The following RB1CC1 variants were observed in gnomAD, a reference collection of about 807,000 sequenced individuals.
The protein encoded by RB1CC1 is RB1 inducible coiled-coil 1.
In RB1CC1, 46 loss-of-function variants were observed where a neutral mutation model predicts 177.5. The ratio of observed to expected loss-of-function variants is 0.26; its 90% CI spans 0.20 to 0.33. RB1CC1 has a LOEUF of 0.33. Among genes scored for constraint, RB1CC1 ranks in the 10% least tolerant of loss-of-function variants. The pLI, the probability that RB1CC1 is intolerant of heterozygous loss-of-function variation, is 1.00. For synonymous variants in RB1CC1, 666 were observed against 613.6 expected, an observed-to-expected ratio of 1.09 and a Z score of -1.26; for missense variants, 1,703 against 1,816.3, an observed-to-expected ratio of 0.94 and a Z score of 1.13.
chr8:52,670,990 A>C (rs922952639), intron 7 of RB1CC1, among the ~76,000 whole-genome samples: 2 of 152,098 alleles, frequency 1.3e-5, no homozygotes, highest in Non-Finnish European at 2.9e-5. Flanking sequence ...GCAAGAATAC[A>C]CTAAAATCTA....
intron 15 of RB1CC1, 136 bp downstream of exon 15, chr8:52,655,872 T>C (rs763085417): frequency 4.7e-6 from 3 of 632,734 alleles, no homozygotes; most frequent in Non-Finnish European, 7.6e-6. Context: ...GACTAAAAAG[T>C]AAGTTTTTAC....
intron 19 of RB1CC1, among the ~76,000 whole-genome samples, chr8:52,635,459 A>T (rs1336339170): frequency 2.6e-5 from 4 of 152,172 alleles, no homozygotes; most frequent in Non-Finnish European, 4.4e-5. Context: ...TGAAAATCTT[A>T]TAGGCCTAAA....
chr8:52,688,883 A>C (rs1854547403), intron 1 of RB1CC1, among the ~76,000 whole-genome samples: 1 of 152,210 alleles, frequency 6.6e-6, no homozygotes, highest in Non-Finnish European at 1.5e-5. Context: ...GCCGGCCGAC[A>C]CTAATGGAAA....
chr8:52,682,716 C>G (rs998067009), intron 5 of RB1CC1, among the ~76,000 whole-genome samples: 2 of 152,028 alleles, frequency 1.3e-5, no homozygotes, highest in Non-Finnish European at 2.9e-5. Flanking sequence ...AAAAACAACT[C>G]TAAAAGATTC....
At chr8:52,676,750 G>A (rs1264678439) in intron 5 of RB1CC1, among the ~76,000 whole-genome samples, 179 bp from the exon 6 acceptor site, 1 of 148,602 alleles carries the variant, frequency 6.7e-6, no homozygotes, top group Non-Finnish European at 1.5e-5. Flanking sequence ...CTAAACATAA[G>A]TGAGGTGTTT....
At chr8:52,674,682 C>T (rs377716144) in intron 6 of RB1CC1, among the ~76,000 whole-genome samples, 2 of 151,520 alleles carry the variant, frequency 1.3e-5, no homozygotes, top group African/African-American at 2.4e-5. Flanking sequence ...GCACAAGAAT[C>T]GCTTGAACCT....
In RB1CC1 at chr8:52,657,883, T is replaced by C. The variant is rs1851216485; in HGVS notation, c.1946A>G (p.Gln649Arg). 6.2e-7 allele frequency: 1 copy of C among 1,613,858 alleles called. No homozygotes were observed. Among genetic ancestry groups the C allele is most frequent in the African/African-American group, 1.3e-5 (1 of 75,022 alleles). The change falls in exon 15 of 24, where the codon CAG (glutamine) becomes CGG (arginine). Residue 649 changes from glutamine (Q) to arginine (R), a missense_variant. Physicochemically the swap from Gln to Arg is conservative, Grantham distance 43 (BLOSUM62 1). Around this residue, in one of 6 missense-constraint regions of RB1CC1, gnomAD observed 1,169 missense variants for 1,184.7 expected, o/e 0.99. Coordinates refer to ENST00000025008, the MANE Select transcript of RB1CC1 (RefSeq NM_014781.5). ...TTCCATCCTTGGTGAAGAAGCAGAC[T>C]GTGGGGATGTCTGACTCACAGATGC... ...QKASVSQTSP[Q>R]SASSPRMEST...
rs1190378730 is a variant in RB1CC1, at chr8:52,676,499, G to A, written c.442C>T (p.Gln148Ter). The change falls in exon 6 of 24, where the codon CAA becomes TAA. Residue 148 changes from glutamine to a stop codon, truncating the protein, a stop_gained. Coordinates refer to ENST00000025008, the MANE Select transcript of RB1CC1 (RefSeq NM_014781.5). LOFTEE classifies it high-confidence loss of function. Reference protein sequence around the residue: ...GLVHDEHLQHQGWAAIMANLE... With the variant: ...GLVHDEHLQH ...TTGGCCATGATTGCAGCCCAGCCTT[G>A]GTGTTGAAGATGTTCATCATGTACA... 6.2e-7 allele frequency: 1 copy of A among 1,613,538 alleles called. No homozygotes were observed. The highest frequency in any genetic ancestry group is 8.5e-7 in the Non-Finnish European group (1 of 1,179,818).
chr8:52,655,450 T>C lies in RB1CC1; in HGVS notation c.3821+558A>G, dbSNP rs566230632. Among the ~76,000 whole-genome samples, 3 of 152,106 alleles carry C rather than the reference T, an allele frequency of 2.0e-5. No individual in the cohort carries two copies. In the East Asian group the frequency reaches 5.8e-4, roughly 29 times the overall value. ...CAGTAATATCAGACAGTAACAATAA[T>C]AAACATGTAAAAACACCACCAATCC... is the stretch of plus-strand genomic sequence containing the variant. On this transcript the variant is annotated intron_variant, in intron 15 of 23. Coordinates refer to ENST00000025008, the MANE Select transcript of RB1CC1 (RefSeq NM_014781.5).
chr8:52,689,146 TTTC>T (rs60850118), intron 1 of RB1CC1, among the ~76,000 whole-genome samples: 2,500 of 152,296 alleles, frequency 0.016, 69 homozygotes, highest in African/African-American at 0.056. Flanking sequence ...CCTATATGCA[TTTC>T]TTCAACATTA....
At chr8:52,680,999 T>TG (rs1156981044) in intron 5 of RB1CC1, among the ~76,000 whole-genome samples, 1 of 148,044 alleles carries the variant, frequency 6.8e-6, no homozygotes, top group Admixed American at 6.8e-5. Context: ...TGTGTGTTTT[T>TG]TTTTTTTTTT....
chr8:52,699,304 T>C (rs913179153), intron 1 of RB1CC1, among the ~76,000 whole-genome samples: 1 of 152,170 alleles, frequency 6.6e-6, no homozygotes, highest in African/African-American at 2.4e-5. Context: ...ATCTCAAAAG[T>C]AGAGATAACA....
At position 52,676,424 on chromosome 8, in the gene RB1CC1, T is replaced by G. The variant is rs370720583; in HGVS notation, c.517A>C (p.Ser173Arg). Reference protein sequence around the residue: ...SYQKLLFKFESIYSNYLQSIE... With the variant: ...SYQKLLFKFERIYSNYLQSIE... ...GACTGCAGATAATTTGAATAAATAC[T>G]TTCAAACTTGAAAAGTAGCTTTTGG... is the stretch of plus-strand genomic sequence containing the variant. The change falls in exon 6 of 24, where the codon AGT becomes CGT. Residue 173 changes from serine to arginine, a missense_variant. By Grantham distance (110) the Ser-to-Arg change is moderately radical. Coordinates refer to ENST00000025008, the MANE Select transcript of RB1CC1 (RefSeq NM_014781.5). 12 of 1,613,174 alleles carry G rather than the reference T, an allele frequency of 7.4e-6. No homozygotes were observed. Among genetic ancestry groups the G allele is most frequent in the Non-Finnish European group, 1.0e-5 (12 of 1,179,526 alleles).
At chr8:52,624,625 C>A in intron 23 of RB1CC1, 92 bp downstream of exon 23, 1 of 1,049,720 alleles carries the variant, frequency 9.5e-7, no homozygotes, top group African/African-American at 1.6e-5. Flanking sequence ...GCATAAAGGC[C>A]AAGAACAGCA....
At chr8:52,693,289 A>C (rs1324642220) in intron 1 of RB1CC1, among the ~76,000 whole-genome samples, 2 of 152,194 alleles carry the variant, frequency 1.3e-5, no homozygotes, top group African/African-American at 4.8e-5. Context: ...AATTAAACTA[A>C]AGAGCTTCTG....
chr8:52,651,405 T>A (rs1391985669), intron 15 of RB1CC1, among the ~76,000 whole-genome samples: 1 of 152,246 alleles, frequency 6.6e-6, no homozygotes, highest in Non-Finnish European at 1.5e-5. Flanking sequence ...TTGGGTAGTT[T>A]GGATAGAGGC....
intron 1 of RB1CC1, among the ~76,000 whole-genome samples, chr8:52,689,530 A>G (rs1244847948): frequency 6.6e-6 from 1 of 152,172 alleles, no homozygotes; most frequent in African/African-American, 2.4e-5. Flanking sequence ...TTAGGGCAGC[A>G]GCTACCACTT....
intron 18 of RB1CC1, among the ~76,000 whole-genome samples, chr8:52,640,897 A>T (rs1849516095): frequency 6.6e-6 from 1 of 152,174 alleles, no homozygotes; most frequent in Non-Finnish European, 1.5e-5. Context: ...ACAGAAACCT[A>T]AGTAATTTTA....
chr8:52,656,228 G>T lies in RB1CC1; in HGVS notation c.3601C>A (p.Gln1201Lys). 2.5e-6 allele frequency: 4 copies of T among 1,613,182 alleles called. No homozygotes were observed. The highest frequency in any genetic ancestry group is 2.2e-5 in the East Asian group (1 of 44,820). Residue 1201 changes from glutamine to lysine, a missense_variant, in exon 15 of 24, where the codon CAA (glutamine) becomes AAA (lysine). Transcript: ENST00000025008. The part of the protein sequence containing the change: ...ERQKDEKITQ[Q>K]EEKYEAIIQN... ...ATAATAGCTTCGTATTTCTCTTCTT[G>T]TTGGGTAATTTTTTCATCTTTTTGT... is the stretch of plus-strand genomic sequence containing the variant.
Sources: allele counts gnomAD v4.1 joint callset (sites outside exome capture counted in the v4.1 genomes callset), GRCh38; gene constraint gnomAD v4.1.1; regional missense constraint gnomAD v4.1.1; transcripts MANE v1.5; gene names NCBI Gene and HGNC (gene_info 2026-07-23, HGNC 2026-07-21).